Variants in ARMC9 observed in about 807,000 individuals in gnomAD.
The protein encoded by ARMC9 is armadillo repeat containing 9.
A neutral mutation model predicts 107.0 loss-of-function variants in ARMC9; 94 were observed. The ratio of observed to expected loss-of-function variants is 0.88; its 90% CI spans 0.74 to 1.04. The LOEUF is 1.04. Ranked by LOEUF, ARMC9 falls within the 50% of genes least tolerant of loss-of-function variation. The probability of loss-of-function intolerance (pLI) is 0.00; values close to 1 mark genes in which losing one functional copy is unlikely to be tolerated. For missense variants in ARMC9, 942 were observed against 1,030.1 expected (o/e 0.91, Z 1.17); for synonymous variants, 380 against 396.9 (o/e 0.96, Z 0.51).
intron 3 of ARMC9, among the ~76,000 whole-genome samples, chr2:231,209,545 T>A (rs1203381007): frequency 6.6e-6 from 1 of 152,178 alleles, no homozygotes; most frequent in Non-Finnish European, 1.5e-5. Flanking sequence ...ATTATTTATT[T>A]ATGTATTTGA....
chr2:231,237,175 C>CGTGTGTGTGTGTGTGTGTGTGTGTGT (rs58607252), intron 8 of ARMC9, among the ~76,000 whole-genome samples: 1 of 148,698 alleles, frequency 6.7e-6, no homozygotes, highest in African/African-American at 2.5e-5. Context: ...TCTGCGTATG[C>CGTGTGTGTGTGTGTGTGTGTGTGTGT]GTGTGTGTGT....
Position 231,316,160 on chromosome 2 carries a change from A to ATGTG in ARMC9, c.1774-15603_1774-15600dup, listed in dbSNP as rs141395956. On this transcript the variant is annotated intron_variant, in intron 19 of 24. Coordinates refer to ENST00000611582, the MANE Select transcript of ARMC9 (RefSeq NM_001352754.2). Reference sequence around the variant, plus strand: ...TTAAAGAAGGAACATGTGTGTATGTATGTGTGTGTGTGTGTGTGTGTGTGT... The same window carrying ATGTG: ...TTAAAGAAGGAACATGTGTGTATGTATGTGTGTGTGTGTGTGTGTGTGTGTGTGT... 5.3e-3 allele frequency among the ~76,000 whole-genome samples: 783 copies of ATGTG among 147,616 alleles called. 6 individuals carry two copies. Among genetic ancestry groups the ATGTG allele is most frequent in the African/African-American group, 0.014 (576 of 40,494 alleles).
chr2:231,206,563 T>C (rs2032024274), intron 2 of ARMC9, among the ~76,000 whole-genome samples: 1 of 152,180 alleles, frequency 6.6e-6, no homozygotes, highest in Non-Finnish European at 1.5e-5. Flanking sequence ...AAAGGAAATT[T>C]CCCTCCCAGA....
At chr2:231,271,282 T>C (rs1275979165) in intron 13 of ARMC9, among the ~76,000 whole-genome samples, 1 of 152,260 alleles carries the variant, frequency 6.6e-6, no homozygotes, top group Non-Finnish European at 1.5e-5. Flanking sequence ...TTGGGGTTTA[T>C]TTTGTAAACC....
intron 12 of ARMC9, among the ~76,000 whole-genome samples, chr2:231,270,269 T>C (rs2039213655): frequency 6.6e-6 from 1 of 152,248 alleles, no homozygotes; most frequent in Non-Finnish European, 1.5e-5. Context: ...TGCTCTCCTC[T>C]GCCTGGTGTC....
At chr2:231,219,583 A>G (rs1164889672) in intron 5 of ARMC9, among the ~76,000 whole-genome samples, 1 of 152,028 alleles carries the variant, frequency 6.6e-6, no homozygotes, top group African/African-American at 2.4e-5. Flanking sequence ...GGTTTGTATC[A>G]TTTCCCTACA....
chr2:231,216,555 G>A, intron 4 of ARMC9, 83 bp from the exon 5 acceptor site: 1 of 1,455,888 alleles, frequency 6.9e-7, no homozygotes, highest in Non-Finnish European at 9.3e-7. Flanking sequence ...TGGGACAGAA[G>A]GAGCCTCAGA....
chr2:231,228,684 G>T (rs1340143647), intron 7 of ARMC9, among the ~76,000 whole-genome samples: 4 of 152,202 alleles, frequency 2.6e-5, no homozygotes, highest in Non-Finnish European at 5.9e-5. Flanking sequence ...TGATGGGAAG[G>T]AGGGTGTGTC....
Position 231,262,386 on chromosome 2 carries a change from T to C in ARMC9, c.1107T>C (p.Tyr369=), listed in dbSNP as rs767600213. ...TCAGCAATGACCTCTTGGACTGTTA[T>C]AGCCACAACCAGGTTGGTAAGAGGT... ...AYISNDLLDC[Y]SHNQRSVLQL... The change falls in exon 12 of 25, where the codon TAT becomes TAC. Residue 369 remains tyrosine (Y), a synonymous_variant. Coordinates refer to ENST00000611582, the MANE Select transcript of ARMC9 (RefSeq NM_001352754.2). 2.0e-5 allele frequency: 33 copies of C among 1,614,048 alleles called. No homozygotes were observed. The highest frequency in any genetic ancestry group is 2.5e-5 in the Non-Finnish European group (29 of 1,179,998).
At position 231,345,047 on chromosome 2, in the gene ARMC9, C is replaced by G; in HGVS notation, c.1951C>G (p.Gln651Glu). Reference sequence around the variant, plus strand: ...GCAGTGGAGCGGGGATGAGCCCCTGCAAAGGCCCGTCACCCCCGGCGGCCA... The same window carrying G: ...GCAGTGGAGCGGGGATGAGCCCCTGGAAAGGCCCGTCACCCCCGGCGGCCA... ...NVQWSGDEPL[Q>E]RPVTPGGHRN... Residue 651 changes from glutamine to glutamate, a missense_variant, in exon 21 of 25, where the codon CAA becomes GAA. Coordinates refer to ENST00000611582, the MANE Select transcript of ARMC9 (RefSeq NM_001352754.2). The G allele has an allele frequency of 1.2e-6, 2 of 1,613,910 alleles. No homozygotes were observed. Among genetic ancestry groups the G allele is most frequent in the Non-Finnish European group, 1.7e-6 (2 of 1,179,990 alleles).
In ARMC9 at chr2:231,270,989, T is replaced by C. The variant is rs2039277946; in HGVS notation, c.1127T>C (p.Val376Ala). The change falls in exon 13 of 25, where the codon GTG becomes GCG. Residue 376 changes from valine (V) to alanine (A), a missense_variant. By Grantham distance (64) the Val-to-Ala change is moderately conservative. Transcript: ENST00000611582. ...CTTGACGTTTTCCCCCAGAGGAGTGTGCTTCAGTTGCTGCACTCCACGAGC... is the reference window on the plus strand; with the variant it reads ...CTTGACGTTTTCCCCCAGAGGAGTGCGCTTCAGTTGCTGCACTCCACGAGC... ...LDCYSHNQRSVLQLLHSTSDV... is the reference protein window; with the variant it reads ...LDCYSHNQRSALQLLHSTSDV... 1.2e-6 allele frequency: 2 copies of C among 1,614,026 alleles called. No individual in the cohort carries two copies. The highest frequency in any genetic ancestry group is 1.7e-6 in the Non-Finnish European group (2 of 1,180,020).
At chr2:231,336,913 C>T (rs534460529) in intron 20 of ARMC9, among the ~76,000 whole-genome samples, 55 of 152,280 alleles carry the variant, frequency 3.6e-4, no homozygotes, top group African/African-American at 1.3e-3. Flanking sequence ...AGCTGAGGCC[C>T]TCCTAGGCTG....
intron 21 of ARMC9, among the ~76,000 whole-genome samples, chr2:231,350,646 A>AAGAAAC (rs1222256213): frequency 2.6e-5 from 4 of 151,574 alleles, no homozygotes; most frequent in Non-Finnish European, 5.9e-5. Context: ...GAAAAAGAAA[A>AAGAAAC]AGAAACTTCA....
chr2:231,340,589 A>G (rs558379794), intron 20 of ARMC9, among the ~76,000 whole-genome samples: 1 of 152,320 alleles, frequency 6.6e-6, no homozygotes, highest in East Asian at 1.9e-4. Flanking sequence ...AATTTTTCCC[A>G]CTAAATCTAA....
At chr2:231,371,132 G>A in intron 24 of ARMC9, 1 of 499,674 alleles carries the variant, frequency 2.0e-6, no homozygotes, top group South Asian at 1.5e-5. Flanking sequence ...CGGCCAGGAG[G>A]AAGGTGCCAC....
At chr2:231,317,444 T>C (rs1450865593) in intron 19 of ARMC9, among the ~76,000 whole-genome samples, 1 of 152,150 alleles carries the variant, frequency 6.6e-6, no homozygotes, top group Admixed American at 6.5e-5. Flanking sequence ...GTGCTAGGAT[T>C]ACAGGTGTGA....
chr2:231,273,374 T>C (rs2125437687), intron 14 of ARMC9, among the ~76,000 whole-genome samples: 3 of 152,254 alleles, frequency 2.0e-5, no homozygotes, highest in Middle Eastern at 6.8e-3. Flanking sequence ...GACAGACACA[T>C]GAATCAGACC....
chr2:231,264,951 A>T (rs967464647), intron 12 of ARMC9, among the ~76,000 whole-genome samples: 1 of 152,178 alleles, frequency 6.6e-6, no homozygotes, highest in African/African-American at 2.4e-5. Context: ...CTAAAAAATT[A>T]GCCAGACGTG....
In ARMC9 at chr2:231,215,021, C is replaced by T. The variant is rs754616310; in HGVS notation, c.348+20C>T. ...AGACCGGTGGGTTTACCTGGTGATG[C>T]GGGTGGGTCTGAGTGGTGTGTTAAG... On this transcript the variant is annotated intron_variant, in intron 4 of 24. Transcript: ENST00000611582. The T allele has an allele frequency of 8.7e-6, 14 of 1,612,210 alleles. No homozygotes were observed. The highest frequency in any genetic ancestry group is 4.0e-5 in the African/African-American group (3 of 74,800).
Sources: gnomAD v4.1 joint callset for allele counts (sites outside exome capture counted in the v4.1 genomes callset) on GRCh38, gnomAD v4.1.1 for gene constraint, MANE v1.5 for transcripts, NCBI Gene and HGNC (gene_info 2026-07-23, HGNC 2026-07-21) for gene names.